The following EFCAB6 variants were observed in gnomAD, a reference collection of about 807,000 sequenced individuals.
EFCAB6 encodes the protein EF-hand calcium binding domain 6, also known as EF-hand calcium-binding domain-containing protein 6.
In EFCAB6, 156 loss-of-function variants were observed where a neutral mutation model predicts 169.8. That is an observed-to-expected ratio of 0.92 (90% CI 0.81 to 1.05). The LOEUF (loss-of-function observed/expected upper bound fraction) is 1.05, where lower values mean the gene tolerates loss of function less well. Ranked by LOEUF, EFCAB6 falls within the 50% of genes least tolerant of loss-of-function variation. The pLI is 0.00. For missense variants in EFCAB6, 1,800 were observed against 1,829.1 expected (o/e 0.98, Z 0.29); for synonymous variants, 698 against 676.4 (o/e 1.03, Z -0.50).
intron 26 of EFCAB6, among the ~76,000 whole-genome samples, chr22:43,557,086 G>A (rs779156294): frequency 2.0e-5 from 3 of 152,164 alleles, no homozygotes; most frequent in Non-Finnish European, 4.4e-5. Flanking sequence ...AACATTACTG[G>A]AAAGAACACA....
chr22:43,625,484 G>A (rs971818314), intron 20 of EFCAB6, among the ~76,000 whole-genome samples: 13 of 152,200 alleles, frequency 8.5e-5, no homozygotes, highest in Admixed American at 3.3e-4. Context: ...CGATGGGGAC[G>A]GGTGATCCCC....
intron 15 of EFCAB6, among the ~76,000 whole-genome samples, chr22:43,670,918 T>C (rs1021696374): frequency 1.3e-5 from 2 of 152,208 alleles, no homozygotes; most frequent in African/African-American, 4.8e-5. Context: ...GACCTCACCA[T>C]ATGCTTGGCC....
chr22:43,618,165 G>GGAAAGAAAGAAAGAAA lies in EFCAB6; in HGVS notation c.2466-2259_2466-2244dup, dbSNP rs1172174002. ...GAGGAGGAAGGAAGGAAGGAAGGAA[G>GGAAAGAAAGAAAGAAA]GAAAGAAAGAAAGAAAGAAAGAAAG... is the stretch of plus-strand genomic sequence containing the variant. On this transcript the variant is annotated intron_variant, in intron 20 of 31. Coordinates refer to ENST00000262726, the MANE Select transcript of EFCAB6 (RefSeq NM_022785.4). Among the ~76,000 whole-genome samples, 647 of 68,210 alleles carry GGAAAGAAAGAAAGAAA rather than the reference G, an allele frequency of 9.5e-3. 21 individuals carry two copies. The highest frequency in any genetic ancestry group is 0.014 in the East Asian group (28 of 1,960). 44.7% of individuals were successfully genotyped at this position (68,210 alleles called of 152,430 possible).
At chr22:43,545,468 A>G (rs1219854712) in intron 27 of EFCAB6, among the ~76,000 whole-genome samples, 1 of 152,246 alleles carries the variant, frequency 6.6e-6, no homozygotes, top group Non-Finnish European at 1.5e-5. Flanking sequence ...ACAAGGAAGT[A>G]CAGCGAATCA....
chr22:43,717,004 C>T, intron 8 of EFCAB6, 32 bp from the exon 9 acceptor site: 2 of 1,449,284 alleles, frequency 1.4e-6, no homozygotes, highest in Non-Finnish European at 1.8e-6. Flanking sequence ...GGCTTATCAA[C>T]ATTGTCAAAG....
intron 17 of EFCAB6, 97 bp from the exon 18 acceptor site, chr22:43,635,313 G>T: frequency 1.1e-6 from 1 of 883,360 alleles, no homozygotes; most frequent in Non-Finnish European, 1.9e-6. Flanking sequence ...TCACAGCAGG[G>T]CTCATGATTG....
chr22:43,548,696 T>A (rs2048216721), intron 27 of EFCAB6, among the ~76,000 whole-genome samples: 1 of 151,718 alleles, frequency 6.6e-6, no homozygotes, highest in African/African-American at 2.4e-5. Flanking sequence ...AATGGATACA[T>A]CTACTATTAC....
intron 27 of EFCAB6, among the ~76,000 whole-genome samples, chr22:43,542,502 C>T (rs2047793571): frequency 6.6e-6 from 1 of 152,192 alleles, no homozygotes; most frequent in African/African-American, 2.4e-5. Context: ...ATCGCTTGAA[C>T]CTGGGAGGTG....
chr22:43,627,855 C>T (rs142908934), intron 19 of EFCAB6, among the ~76,000 whole-genome samples: 4 of 152,342 alleles, frequency 2.6e-5, no homozygotes, highest in African/African-American at 9.6e-5. Flanking sequence ...AAAGCTCTCT[C>T]TGTATTCACT....
rs371054702 is a variant in EFCAB6, at chr22:43,652,612, T to A, written c.1983+14492A>T. On this transcript the variant is annotated intron_variant, in intron 17 of 31. Coordinates refer to ENST00000262726, the MANE Select transcript of EFCAB6 (RefSeq NM_022785.4). ...CACCAGTCCCTTACTGGACTAAGGT[T>A]ATGAGTCCCCACTCTATCTGCCTAG... 7.9e-5 allele frequency among the ~76,000 whole-genome samples: 12 copies of A among 152,264 alleles called. No homozygotes were observed. The East Asian group carries it at 2.1e-3, about 27-fold the overall frequency.
At chr22:43,580,394 G>T in intron 25 of EFCAB6, 70 bp downstream of exon 25, 1 of 1,531,988 alleles carries the variant, frequency 6.5e-7, no homozygotes, top group Non-Finnish European at 8.9e-7. Flanking sequence ...GGGGTTTCAG[G>T]GTGGGGCTGA....
intron 4 of EFCAB6, among the ~76,000 whole-genome samples, 195 bp downstream of exon 4, chr22:43,772,697 T>C (rs924056797): frequency 4.0e-5 from 6 of 151,326 alleles, no homozygotes; most frequent in African/African-American, 9.7e-5. Context: ...GGAGCAGCGC[T>C]ACATGCAAAA....
At chr22:43,669,195 G>A (rs1337998283) in intron 15 of EFCAB6, 150 bp from the exon 16 acceptor site, 3 of 613,000 alleles carry the variant, frequency 4.9e-6, no homozygotes, top group African/African-American at 1.9e-5. Context: ...TCCATTCTTA[G>A]GCATTTACCA....
intron 30 of EFCAB6, among the ~76,000 whole-genome samples, chr22:43,532,828 T>TG (rs1019939754): frequency 7.4e-5 from 11 of 147,868 alleles, no homozygotes; most frequent in African/African-American, 2.7e-4. Flanking sequence ...CGGGGCCAGG[T>TG]GGGGGGTGGG....
At chr22:43,773,523 G>C (rs1483309722) in intron 3 of EFCAB6, among the ~76,000 whole-genome samples, 1 of 152,202 alleles carries the variant, frequency 6.6e-6, no homozygotes, top group East Asian at 1.9e-4. Flanking sequence ...TCAAAGACAG[G>C]GAAGAGATGG....
chr22:43,802,571 C>A, intron 2 of EFCAB6: 1 of 388,924 alleles, frequency 2.6e-6, no homozygotes, highest in Non-Finnish European at 4.9e-6. Flanking sequence ...GGACAAATCA[C>A]AGAGATCTGC....
intron 13 of EFCAB6, among the ~76,000 whole-genome samples, chr22:43,672,594 C>T (rs1406010996): frequency 6.6e-6 from 1 of 152,098 alleles, no homozygotes. Context: ...GAACAGAAAA[C>T]CAAATACCAC....
At chr22:43,681,951 T>A (rs550501925) in intron 12 of EFCAB6, among the ~76,000 whole-genome samples, 1 of 152,190 alleles carries the variant, frequency 6.6e-6, no homozygotes, top group African/African-American at 2.4e-5. Context: ...GCAGCACATA[T>A]AGCAAATGGG....
intron 2 of EFCAB6, among the ~76,000 whole-genome samples, chr22:43,801,592 T>G (rs996311089): frequency 3.9e-5 from 6 of 152,190 alleles, no homozygotes; most frequent in African/African-American, 1.4e-4. Context: ...GTGGAACAGA[T>G]AGAATTAGTG....
Sources: allele counts gnomAD v4.1 joint callset (sites outside exome capture counted in the v4.1 genomes callset), GRCh38; gene constraint gnomAD v4.1.1; transcripts MANE v1.5; gene names NCBI Gene and HGNC (gene_info 2026-07-23, HGNC 2026-07-21).